The following PLA1A variants were observed in gnomAD, a reference collection of about 807,000 sequenced individuals.
PLA1A encodes phosphatidylserine-specific phospholipase A1alpha.
PLA1A carries 47 observed loss-of-function variants against 49.4 expected under a neutral mutation model. The observed-to-expected ratio is 0.95, with a 90% CI of 0.75 to 1.21. PLA1A has a LOEUF of 1.21. PLA1A is among the 50% of genes most tolerant of loss of function. The pLI, the probability that PLA1A is intolerant of heterozygous loss-of-function variation, is 0.00. For missense variants in PLA1A, 561 were observed against 563.9 expected (o/e 0.99, Z 0.05); for synonymous variants, 224 against 207.9 (o/e 1.08, Z -0.67).
At chr3:119,622,163 AAG>A (rs796212178) in intron 8 of PLA1A, among the ~76,000 whole-genome samples, 4 of 101,062 alleles carry the variant, frequency 4.0e-5, no homozygotes, top group African/African-American at 1.7e-4. Flanking sequence ...GAAGAAGAAG[AAG>A]AAGAAGAAGA....
chr3:119,601,538 G>A (rs1337644201), intron 1 of PLA1A, among the ~76,000 whole-genome samples: 1 of 152,356 alleles, frequency 6.6e-6, no homozygotes, highest in South Asian at 2.1e-4. Context: ...TCTCTGGTCA[G>A]CCTGGCCAGA....
intron 5 of PLA1A, among the ~76,000 whole-genome samples, chr3:119,614,176 G>C (rs551578622): frequency 1.3e-5 from 2 of 152,176 alleles, no homozygotes; most frequent in Non-Finnish European, 1.5e-5. Flanking sequence ...TAGCATTTAA[G>C]ACTCATGATT....
chr3:119,608,990 G>A (rs767055392), intron 3 of PLA1A, 43 bp downstream of exon 3: 21 of 1,521,688 alleles, frequency 1.4e-5, no homozygotes, highest in Non-Finnish European at 1.7e-5. Context: ...CTGCGTATGA[G>A]GAGAGAGGGT....
intron 1 of PLA1A, among the ~76,000 whole-genome samples, chr3:119,598,846 C>T (rs906660384): frequency 6.6e-6 from 1 of 152,164 alleles, no homozygotes; most frequent in African/African-American, 2.4e-5. Context: ...TTTTTCTGCT[C>T]AGCACCCCTC....
intron 5 of PLA1A, among the ~76,000 whole-genome samples, chr3:119,614,605 CA>C (rs57980425): frequency 0.015 from 1,034 of 68,014 alleles, 15 homozygotes; most frequent in Admixed American, 0.052. Context: ...GACTTCGTCT[CA>C]AAAAAAAAAA....
At chr3:119,613,250 T>C in intron 5 of PLA1A, 132 bp downstream of exon 5, 2 of 590,580 alleles carry the variant, frequency 3.4e-6, no homozygotes, top group East Asian at 6.0e-5. Flanking sequence ...AGTGAAGAGT[T>C]TACCAAAATG....
At chr3:119,620,952 C>A (rs988786122) in intron 8 of PLA1A, among the ~76,000 whole-genome samples, 1 of 152,346 alleles carries the variant, frequency 6.6e-6, no homozygotes, top group Admixed American at 6.5e-5. Flanking sequence ...ACTCTATACT[C>A]CTTCCTCACC....
At chr3:119,608,657 G>A in intron 2 of PLA1A, 113 bp from the exon 3 acceptor site, 5 of 825,484 alleles carry the variant, frequency 6.1e-6, no homozygotes, top group Non-Finnish European at 6.0e-6. Flanking sequence ...CCTCATATGA[G>A]CCCTTCTCTA....
chr3:119,600,439 A>G (rs1236243036), intron 1 of PLA1A: 7 of 702,306 alleles, frequency 1.0e-5, no homozygotes, highest in East Asian at 2.7e-5. Context: ...CTCAGTACCT[A>G]TGTTTCCTGG....
intron 8 of PLA1A, among the ~76,000 whole-genome samples, chr3:119,621,832 C>A (rs746214907): frequency 2.0e-5 from 3 of 152,138 alleles, no homozygotes; most frequent in African/African-American, 7.2e-5. Context: ...CTGTGTTGTA[C>A]GACATGAGAC....
chr3:119,617,502 G>A (rs1043512075), intron 6 of PLA1A, among the ~76,000 whole-genome samples: 7 of 152,016 alleles, frequency 4.6e-5, no homozygotes, highest in Non-Finnish European at 1.0e-4. Context: ...CAGCACTCTC[G>A]GAGGTTGAGG....
chr3:119,623,166 G>A (rs1055275069), intron 8 of PLA1A, among the ~76,000 whole-genome samples: 10 of 151,292 alleles, frequency 6.6e-5, no homozygotes, highest in African/African-American at 2.2e-4. Flanking sequence ...TTTTGAGACA[G>A]GGTCTCCCAC....
rs779039571 is a variant in PLA1A at position 119,619,628 on chromosome 3, A to C, written c.988A>C (p.Thr330Pro). The C allele has an allele frequency of 4.3e-6, 7 of 1,612,512 alleles. No individual in the cohort carries two copies. The South Asian group carries it at 7.7e-5, about 18-fold the overall frequency. Residue 330 changes from threonine to proline, a missense_variant, in exon 8 of 11, where the codon ACT (threonine) becomes CCT (proline). Transcript: ENST00000273371. ...LPKEVKVYLL[T>P]TSSAPYCMHH... is the part of the protein sequence containing the mutation. The stretch of plus-strand genomic sequence containing the variant: ...CAAGGAAGTGAAAGTCTACCTCCTG[A>C]CTACTTCCAGTGCTCCGTACTGCAG...
intron 10 of PLA1A, 90 bp downstream of exon 10, chr3:119,628,955 C>T: frequency 2.0e-6 from 2 of 1,010,678 alleles, no homozygotes; most frequent in South Asian, 1.5e-5. Context: ...GAGGTTCAAT[C>T]TCATCATAGT....
At chr3:119,604,079 G>A (rs935055633) in intron 1 of PLA1A, among the ~76,000 whole-genome samples, 18 of 152,252 alleles carry the variant, frequency 1.2e-4, no homozygotes, top group East Asian at 3.9e-4. Flanking sequence ...TTAATATTCT[G>A]TACTTTTCAT....
intron 2 of PLA1A, among the ~76,000 whole-genome samples, chr3:119,607,357 T>C (rs936930571): frequency 1.3e-5 from 2 of 152,228 alleles, no homozygotes; most frequent in African/African-American, 4.8e-5. Context: ...AGGTTATGGG[T>C]GTGATGGAGC....
At position 119,618,125 on chromosome 3, in the gene PLA1A, C is replaced by G; in HGVS notation, c.861C>G (p.Ala287=). Residue 287 remains alanine (A), a synonymous_variant, in exon 7 of 11, where the codon GCC becomes GCG. Transcript: ENST00000273371. ...LMAFPCASYK[A]FLAGRCLDCF... is the part of the protein sequence containing the mutation. ...CCTTTCCCTGTGCCAGCTACAAGGCCTTCCTTGCTGGACGCTGTCTGGATT... is the reference window on the plus strand; with the variant it reads ...CCTTTCCCTGTGCCAGCTACAAGGCGTTCCTTGCTGGACGCTGTCTGGATT... 6.2e-7 allele frequency: 1 copy of G among 1,614,162 alleles called. No homozygotes were observed. The highest frequency in any genetic ancestry group is 8.5e-7 in the Non-Finnish European group (1 of 1,180,014).
intron 8 of PLA1A, among the ~76,000 whole-genome samples, chr3:119,624,166 A>C (rs535945673): frequency 6.6e-6 from 1 of 152,202 alleles, no homozygotes; most frequent in East Asian, 1.9e-4. Context: ...AGGCGCCGGC[A>C]CTCCATGTCT....
chr3:119,620,968 C>T (rs2082920914), intron 8 of PLA1A, among the ~76,000 whole-genome samples: 1 of 152,226 alleles, frequency 6.6e-6, no homozygotes, highest in African/African-American at 2.4e-5. Context: ...TCACCACCAC[C>T]ATGCTTCCAT....
Sources: gnomAD v4.1 joint callset for allele counts (sites outside exome capture counted in the v4.1 genomes callset) on GRCh38, gnomAD v4.1.1 for gene constraint, MANE v1.5 for transcripts, NCBI Gene and HGNC (gene_info 2026-07-23, HGNC 2026-07-21) for gene names.